Variants in COG6 observed in about 807,000 individuals in gnomAD.
COG6 encodes component of oligomeric golgi complex 6.
In COG6, 74 loss-of-function variants were observed where a neutral mutation model predicts 88.8. That is an observed-to-expected ratio of 0.83 (90% confidence interval 0.69 to 1.01). The LOEUF (loss-of-function observed/expected upper bound fraction) is 1.01. Among genes scored for constraint, COG6 ranks in the 50% least tolerant of loss-of-function variants. The pLI is 0.00. For missense variants in COG6, 800 were observed against 797.9 expected (o/e 1.00, Z -0.03); for synonymous variants, 286 against 278.7 (o/e 1.03, Z -0.26).
chr13:39,707,669 A>G (rs1244536866), intron 13 of COG6, among the ~76,000 whole-genome samples: 1 of 152,180 alleles, frequency 6.6e-6, no homozygotes, highest in Non-Finnish European at 1.5e-5. Flanking sequence ...TACAGTGTAT[A>G]CTTTTTTGGC....
At chr13:39,743,927 TGG>T (rs924361004) in intron 18 of COG6, among the ~76,000 whole-genome samples, 1 of 151,872 alleles carries the variant, frequency 6.6e-6, no homozygotes, top group African/African-American at 2.4e-5. Flanking sequence ...GCTTCATCCC[TGG>T]GATGCAAGGC....
intron 18 of COG6, among the ~76,000 whole-genome samples, chr13:39,743,679 AAG>A (rs1222451033): frequency 6.6e-6 from 1 of 152,226 alleles, no homozygotes; most frequent in Non-Finnish European, 1.5e-5. Flanking sequence ...CAGAGGTACA[AAG>A]AGGAGCTGGT....
chr13:39,666,194 C>T lies in COG6; in HGVS notation c.428+1040C>T, dbSNP rs957140089. Among the ~76,000 whole-genome samples the T allele has an allele frequency of 4.6e-5, 7 of 152,054 alleles. No homozygotes were observed. The East Asian group carries it at 5.8e-4, about 13-fold the overall frequency. On this transcript the variant is annotated intron_variant, in intron 4 of 18. Transcript: ENST00000455146. Reference sequence around the variant, plus strand: ...TATCAATCATTACTACTATTTAAATCGATCATAGCTAGCCTTAAAAAATAA... The same window carrying T: ...TATCAATCATTACTACTATTTAAATTGATCATAGCTAGCCTTAAAAAATAA...
chr13:39,736,090 T>C (rs1274939046), intron 18 of COG6, among the ~76,000 whole-genome samples: 1 of 152,120 alleles, frequency 6.6e-6, no homozygotes, highest in Non-Finnish European at 1.5e-5. Context: ...AAATAAACTT[T>C]CTACACTAAT....
chr13:39,694,955 G>GCGCGCA (rs1555277402), intron 12 of COG6, among the ~76,000 whole-genome samples: 1 of 142,558 alleles, frequency 7.0e-6, no homozygotes, highest in African/African-American at 2.6e-5. Flanking sequence ...TTAACTACAC[G>GCGCGCA]CACACACACA....
downstream of COG6, among the ~76,000 whole-genome samples, chr13:39,756,178 TA>T (rs1247489365): frequency 6.6e-6 from 1 of 152,162 alleles, no homozygotes; most frequent in Non-Finnish European, 1.5e-5. Context: ...TTTATAATTT[TA>T]AAAGTTTAAA....
At chr13:39,656,404 A>G (rs1303233023) in intron 1 of COG6, 4 of 338,626 alleles carry the variant, frequency 1.2e-5, no homozygotes, top group African/African-American at 2.2e-5. Flanking sequence ...GGCTGAAATG[A>G]ACTCATATCT....
chr13:39,744,306 G>A (rs1880215079), intron 18 of COG6, among the ~76,000 whole-genome samples: 1 of 152,198 alleles, frequency 6.6e-6, no homozygotes, highest in Non-Finnish European at 1.5e-5. Context: ...AAAAGAGGAA[G>A]TCAAATCATC....
At position 39,735,979 on chromosome 13, in the gene COG6, G is replaced by A. The variant is rs551272703; in HGVS notation, c.1826+8431G>A. On this transcript the variant is annotated intron_variant, in intron 18 of 18. Transcript: ENST00000455146. ...GAGTTTGATTATTAAAGGTCTTGAG[G>A]TAGCCTTATTTGGATTACATCTGCT... Among the ~76,000 whole-genome samples the A allele has an allele frequency of 2.0e-5, 3 of 151,990 alleles. No homozygotes were observed. In the South Asian group the frequency reaches 6.2e-4, roughly 32 times the overall value.
intron 18 of COG6, among the ~76,000 whole-genome samples, chr13:39,749,801 A>C (rs750762217): frequency 6.6e-6 from 1 of 152,132 alleles, no homozygotes; most frequent in Non-Finnish European, 1.5e-5. Flanking sequence ...GGAAAGTGTT[A>C]GATAATTTTT....
chr13:39,704,815 C>G (rs974190330), intron 13 of COG6, among the ~76,000 whole-genome samples: 1 of 152,056 alleles, frequency 6.6e-6, no homozygotes, highest in Non-Finnish European at 1.5e-5. Flanking sequence ...TGAATGGGCT[C>G]TGATCATTAT....
chr13:39,754,189 A>G (rs1209780011), downstream of COG6, among the ~76,000 whole-genome samples: 1 of 152,072 alleles, frequency 6.6e-6, no homozygotes, highest in Non-Finnish European at 1.5e-5. Flanking sequence ...AAAAGTTGGC[A>G]TACTCTAGGG....
At chr13:39,677,946 G>T in intron 5 of COG6, 1 of 337,504 alleles carries the variant, frequency 3.0e-6, no homozygotes, top group Non-Finnish European at 5.6e-6. Flanking sequence ...ATTCTCTATT[G>T]TGAAATGTGA....
At chr13:39,772,843 C>T (rs532333094) in intron 18 of COG6, among the ~76,000 whole-genome samples, 15 of 152,370 alleles carry the variant, frequency 9.8e-5, no homozygotes, top group African/African-American at 2.9e-4. Context: ...CCAAATGTTC[C>T]AGCCAGAGGC....
chr13:39,687,741 A>G lies in COG6; in HGVS notation c.951A>G (p.Gln317=). The part of the protein sequence containing the change: ...YVGDMLAWLH[Q]ATASEKEHLE... Reference sequence around the variant, plus strand: ...GAGATATGTTGGCTTGGCTCCATCAAGCTACTGCTTCTGAAAAGGAACACC... The same window carrying G: ...GAGATATGTTGGCTTGGCTCCATCAGGCTACTGCTTCTGAAAAGGAACACC... The change falls in exon 10 of 19, where the codon CAA becomes CAG. Residue 317 remains glutamine, a synonymous_variant. Transcript: ENST00000455146. 1.2e-6 allele frequency: 2 copies of G among 1,614,088 alleles called. No homozygotes were observed. The highest frequency in any genetic ancestry group is 2.2e-5 in the South Asian group (2 of 91,070).
intron 13 of COG6, among the ~76,000 whole-genome samples, chr13:39,706,809 G>A (rs1210862262): frequency 5.9e-5 from 9 of 151,756 alleles, no homozygotes; most frequent in African/African-American, 1.9e-4. Flanking sequence ...TCAGCCTCCC[G>A]AGTAGCTGGG....
chr13:39,715,467 T>C (rs983166031), intron 13 of COG6, among the ~76,000 whole-genome samples: 1 of 152,108 alleles, frequency 6.6e-6, no homozygotes, highest in African/African-American at 2.4e-5. Context: ...TATTGGGAAC[T>C]GACACATAAC....
At chr13:39,731,363 T>C (rs531141581) in intron 18 of COG6, among the ~76,000 whole-genome samples, 3 of 152,296 alleles carry the variant, frequency 2.0e-5, no homozygotes, top group East Asian at 1.9e-4. Flanking sequence ...GTATAGGAAA[T>C]AGGGAAAAGA....
chr13:39,743,785 G>T (rs200673757), intron 18 of COG6, among the ~76,000 whole-genome samples: 1 of 152,024 alleles, frequency 6.6e-6, no homozygotes, highest in Non-Finnish European at 1.5e-5. Flanking sequence ...CCAAAGCCTG[G>T]CAGAGACACA....
Sources: gnomAD v4.1 joint callset for allele counts (sites outside exome capture counted in the v4.1 genomes callset) on GRCh38, gnomAD v4.1.1 for gene constraint, MANE v1.5 for transcripts, NCBI Gene and HGNC (gene_info 2026-07-23, HGNC 2026-07-21) for gene names.